TDRD7: variants seen among roughly 807,000 people sequenced by gnomAD.
The protein encoded by TDRD7 is tudor domain containing 7.
TDRD7 carries 47 observed loss-of-function variants against 109.8 expected under a neutral mutation model. The ratio of observed to expected loss-of-function variants is 0.43; its 90% confidence interval spans 0.34 to 0.55. TDRD7 has a LOEUF of 0.55. Ranked by LOEUF, TDRD7 falls within the 20% of genes least tolerant of loss-of-function variation. TDRD7 has a pLI of 0.03. For synonymous variants in TDRD7, 424 were observed against 457.3 expected (o/e 0.93, Z 0.93); for missense variants, 1,164 against 1,319.2 (o/e 0.88, Z 1.82).
Position 97,495,755 on chromosome 9 carries a change from A to C in TDRD7, c.3169A>C (p.Ile1057Leu). 6.2e-7 allele frequency: 1 copy of C among 1,614,226 alleles called. No homozygotes were observed. The highest frequency in any genetic ancestry group is 8.5e-7 in the Non-Finnish European group (1 of 1,180,038). The change falls in exon 17 of 17, where the codon ATT becomes CTT. Residue 1057 changes from isoleucine to leucine, a missense_variant. By Grantham distance (5) the Ile-to-Leu change is conservative. Transcript: ENST00000355295. ...TCTGGTGGCACTGGTGCAGACAGTC[A>C]TTGAAAATGCTAACCCTTGGGACCG... ...KPLVALVQTV[I>L]ENANPWDRKV...
chr9:97,433,175 C>T (rs983657486), intron 4 of TDRD7, among the ~76,000 whole-genome samples: 2 of 151,934 alleles, frequency 1.3e-5, no homozygotes, highest in African/African-American at 4.8e-5. Flanking sequence ...TAATTTCCCC[C>T]CAGGAACTTT....
Position 97,472,711 on chromosome 9 carries a change from A to G in TDRD7, c.1944+216A>G, listed in dbSNP as rs188522909. On this transcript the variant is annotated intron_variant, in intron 10 of 16. Transcript: ENST00000355295. ...GATTTTTTATTTTCCATTTCCTGCAATGAGCATCTATTGATTTTATATGAG... is the reference window on the plus strand; with the variant it reads ...GATTTTTTATTTTCCATTTCCTGCAGTGAGCATCTATTGATTTTATATGAG... Among the ~76,000 whole-genome samples the G allele has an allele frequency of 7.1e-4, 108 of 152,320 alleles. 1 individual carries two copies. Among genetic ancestry groups the G allele is most frequent in the Middle Eastern group, 6.8e-3 (2 of 294 alleles).
chr9:97,420,915 C>A (rs1827888822), intron 1 of TDRD7, among the ~76,000 whole-genome samples: 1 of 152,138 alleles, frequency 6.6e-6, no homozygotes, highest in African/African-American at 2.4e-5. Flanking sequence ...GGTGGATCAC[C>A]TGAGGTCAGG....
chr9:97,438,064 T>G (rs1352669333), intron 4 of TDRD7, among the ~76,000 whole-genome samples: 2 of 152,196 alleles, frequency 1.3e-5, no homozygotes, highest in African/African-American at 4.8e-5. Context: ...TACTGGAGCC[T>G]TCGATGCTTG....
At chr9:97,447,283 A>C (rs905730620) in intron 6 of TDRD7, among the ~76,000 whole-genome samples, 2 of 152,172 alleles carry the variant, frequency 1.3e-5, no homozygotes, top group African/African-American at 4.8e-5. Context: ...TTAGCTGTAT[A>C]CCTTTCAGCA....
intron 4 of TDRD7, among the ~76,000 whole-genome samples, chr9:97,437,255 A>G (rs1828218534): frequency 6.6e-6 from 1 of 152,196 alleles, no homozygotes; most frequent in African/African-American, 2.4e-5. Flanking sequence ...GGTGTCAGCC[A>G]TGGCTGGGAT....
At chr9:97,454,852 G>GGAGACAGGAAAAACCCTCCA (rs1387721804) in intron 6 of TDRD7, among the ~76,000 whole-genome samples, 1 of 151,464 alleles carries the variant, frequency 6.6e-6, no homozygotes, top group Non-Finnish European at 1.5e-5. Context: ...TGAAGGAGAT[G>GGAGACAGGAAAAACCCTCCA]GAGACAGGAA....
chr9:97,449,890 C>A (rs1178499940), intron 6 of TDRD7, among the ~76,000 whole-genome samples: 1 of 152,260 alleles, frequency 6.6e-6, no homozygotes, highest in South Asian at 2.1e-4. Context: ...GGAAGGAAGA[C>A]CAAATATATA....
chr9:97,416,392 A>G (rs556862187), intron 1 of TDRD7, among the ~76,000 whole-genome samples: 1 of 152,354 alleles, frequency 6.6e-6, no homozygotes, highest in African/African-American at 2.4e-5. Context: ...TCAATTAAAC[A>G]TATAACTACC....
intron 12 of TDRD7, among the ~76,000 whole-genome samples, chr9:97,476,904 A>T (rs1829031893): frequency 6.6e-6 from 1 of 152,180 alleles, no homozygotes; most frequent in African/African-American, 2.4e-5. Context: ...GGTCATGTCT[A>T]CTTGAATGAG....
intron 8 of TDRD7, among the ~76,000 whole-genome samples, chr9:97,468,611 C>G (rs1828858653): frequency 6.6e-6 from 1 of 152,208 alleles, no homozygotes. Context: ...TGAACTTTGT[C>G]TGGTGGTAAG....
intron 16 of TDRD7, among the ~76,000 whole-genome samples, chr9:97,493,558 G>A (rs1010558941): frequency 5.9e-5 from 9 of 152,092 alleles, no homozygotes; most frequent in East Asian, 3.9e-4. Context: ...ATGAAGTTTC[G>A]GGCACACGTT....
At chr9:97,469,481 T>G (rs1475853458) in intron 8 of TDRD7, among the ~76,000 whole-genome samples, 1 of 152,184 alleles carries the variant, frequency 6.6e-6, no homozygotes, top group Non-Finnish European at 1.5e-5. Flanking sequence ...TGGGAAGGGT[T>G]TTTGTTTCGT....
At chr9:97,444,122 G>T (rs1415763084) in intron 6 of TDRD7, among the ~76,000 whole-genome samples, 5 of 152,084 alleles carry the variant, frequency 3.3e-5, no homozygotes, top group African/African-American at 1.2e-4. Context: ...TAAACCTCTG[G>T]TGCTAAAACA....
At chr9:97,452,544 G>T (rs945383085) in intron 6 of TDRD7, among the ~76,000 whole-genome samples, 1 of 152,198 alleles carries the variant, frequency 6.6e-6, no homozygotes, top group Non-Finnish European at 1.5e-5. Flanking sequence ...GTGGGATATG[G>T]TTATCTACTT....
intron 11 of TDRD7, among the ~76,000 whole-genome samples, chr9:97,474,773 G>A (rs1041069617): frequency 6.6e-6 from 1 of 152,160 alleles, no homozygotes; most frequent in Non-Finnish European, 1.5e-5. Context: ...ACCTAAGTGA[G>A]ACATTGCCTT....
intron 2 of TDRD7, among the ~76,000 whole-genome samples, chr9:97,429,687 C>T (rs1005711529): frequency 2.0e-4 from 30 of 152,268 alleles, no homozygotes; most frequent in Admixed American, 9.8e-4. Context: ...GACTTAAGCC[C>T]TCCTTTCTGT....
At chr9:97,455,752 G>T (rs756304780) in intron 6 of TDRD7, among the ~76,000 whole-genome samples, 1 of 152,138 alleles carries the variant, frequency 6.6e-6, no homozygotes, top group Non-Finnish European at 1.5e-5. Flanking sequence ...CATTCTCTTT[G>T]AAAACTGGTA....
At chr9:97,473,777 C>G in intron 11 of TDRD7, 151 bp downstream of exon 11, 1 of 1,026,948 alleles carries the variant, frequency 9.7e-7, no homozygotes, top group South Asian at 1.5e-5. Flanking sequence ...GTAAAGAGCT[C>G]CAGACTTCAG....
Sources: gnomAD v4.1 joint callset for allele counts (sites outside exome capture counted in the v4.1 genomes callset) on GRCh38, gnomAD v4.1.1 for gene constraint, MANE v1.5 for transcripts, NCBI Gene and HGNC (gene_info 2026-07-23, HGNC 2026-07-21) for gene names.